Variants in ERBB4 observed in about 807,000 individuals in gnomAD.
The protein encoded by ERBB4 is receptor tyrosine-protein kinase erbB-4.
ERBB4 carries 42 observed loss-of-function variants against 158.0 expected under a neutral mutation model. That is an observed-to-expected ratio of 0.27 (90% CI 0.21 to 0.34). The LOEUF (loss-of-function observed/expected upper bound fraction) is 0.34. Ranked by LOEUF, ERBB4 falls within the 10% of genes least tolerant of loss-of-function variation. ERBB4 has a pLI of 1.00. For synonymous variants in ERBB4, 583 were observed against 558.7 expected, an observed-to-expected ratio of 1.04 and a Z score of -0.61; for missense variants, 1,333 against 1,624.1, an observed-to-expected ratio of 0.82 and a Z score of 3.08.
chr2:212,527,413 C>G (rs1419131229), intron 1 of ERBB4, among the ~76,000 whole-genome samples: 1 of 151,916 alleles, frequency 6.6e-6, no homozygotes, highest in African/African-American at 2.4e-5. Context: ...TGCATTCTTC[C>G]TCATTAATAA....
chr2:212,522,262 G>C (rs912032647), intron 1 of ERBB4, among the ~76,000 whole-genome samples: 1 of 151,866 alleles, frequency 6.6e-6, no homozygotes, highest in Non-Finnish European at 1.5e-5. Context: ...ATATTGTTAA[G>C]GTCAGGTGAG....
chr2:212,277,600 A>G (rs1360933851), intron 1 of ERBB4, among the ~76,000 whole-genome samples: 1 of 151,718 alleles, frequency 6.6e-6, no homozygotes, highest in Non-Finnish European at 1.5e-5. Flanking sequence ...TACTACAGAG[A>G]GTCTCCTAGC....
chr2:212,017,547 G>T (rs1191258498), intron 2 of ERBB4, among the ~76,000 whole-genome samples: 1 of 152,124 alleles, frequency 6.6e-6, no homozygotes, highest in Admixed American at 6.6e-5. Flanking sequence ...AGTTGTGAAT[G>T]CAAAGGCCAT....
chr2:211,562,797 A>T (rs1445114555), intron 19 of ERBB4, among the ~76,000 whole-genome samples: 3 of 105,182 alleles, frequency 2.9e-5, no homozygotes, highest in Non-Finnish European at 5.5e-5. Flanking sequence ...TTTGAGACGG[A>T]GTCTCGCTCT....
At chr2:212,296,460 T>C (rs1250493433) in intron 1 of ERBB4, among the ~76,000 whole-genome samples, 1 of 151,898 alleles carries the variant, frequency 6.6e-6, no homozygotes, top group Non-Finnish European at 1.5e-5. Flanking sequence ...TCTTCAGTAA[T>C]GTAAAGAACT....
At chr2:211,669,387 A>G (rs1341317385) in intron 14 of ERBB4, among the ~76,000 whole-genome samples, 1 of 152,036 alleles carries the variant, frequency 6.6e-6, no homozygotes, top group African/African-American at 2.4e-5. Flanking sequence ...TTTCACTTTT[A>G]TAGGAATGTA....
chr2:211,837,624 G>C (rs2077370425), intron 3 of ERBB4, among the ~76,000 whole-genome samples: 3 of 151,970 alleles, frequency 2.0e-5, no homozygotes, highest in African/African-American at 7.2e-5. Flanking sequence ...TAACTAACTG[G>C]GTAGGCTTGG....
intron 1 of ERBB4, among the ~76,000 whole-genome samples, chr2:212,220,429 C>T (rs192725667): frequency 2.0e-5 from 3 of 151,468 alleles, no homozygotes; most frequent in South Asian, 2.1e-4. Context: ...TTGCTTTGAC[C>T]TAGTTATAAA....
intron 20 of ERBB4, among the ~76,000 whole-genome samples, chr2:211,506,742 T>G (rs1003617032): frequency 1.1e-4 from 17 of 152,062 alleles, no homozygotes; most frequent in African/African-American, 3.6e-4. Context: ...ACTTCTGAGA[T>G]GTAGCAAAAG....
chr2:211,722,566 A>T, intron 6 of ERBB4, 32 bp from the exon 7 acceptor site: 1 of 1,609,688 alleles, frequency 6.2e-7, no homozygotes. Flanking sequence ...TTTCATTTAC[A>T]AATAAACTCA....
intron 1 of ERBB4, among the ~76,000 whole-genome samples, chr2:212,160,944 A>G (rs2081185713): frequency 6.6e-6 from 1 of 152,022 alleles, no homozygotes; most frequent in South Asian, 2.1e-4. Context: ...AAAGACAGGT[A>G]ACAAATTGCC....
At chr2:211,440,413 C>T (rs1273884828) in intron 20 of ERBB4, among the ~76,000 whole-genome samples, 1 of 152,248 alleles carries the variant, frequency 6.6e-6, no homozygotes, top group East Asian at 1.9e-4. Context: ...ATTAATACAG[C>T]AACCTCTAGA....
chr2:211,878,957 T>C (rs150368523), intron 3 of ERBB4, among the ~76,000 whole-genome samples: 1 of 152,332 alleles, frequency 6.6e-6, no homozygotes, highest in Non-Finnish European at 1.5e-5. Flanking sequence ...TCTTAACAGA[T>C]ACTCTCCTAG....
At chr2:211,812,576 C>T (rs2076783972) in intron 3 of ERBB4, among the ~76,000 whole-genome samples, 1 of 152,228 alleles carries the variant, frequency 6.6e-6, no homozygotes. Flanking sequence ...CTCCTCAGAG[C>T]TGTCAGACAG....
chr2:211,961,814 G>C (rs913747587), intron 2 of ERBB4, among the ~76,000 whole-genome samples: 3 of 151,986 alleles, frequency 2.0e-5, no homozygotes, highest in African/African-American at 4.8e-5. Flanking sequence ...TGTTTGAATA[G>C]GTAAATTATA....
chr2:211,387,930 T>G lies in ERBB4; in HGVS notation c.3183+15A>C. The G allele has an allele frequency of 6.3e-7, 1 of 1,592,482 alleles. No individual in the cohort carries two copies. The highest frequency in any genetic ancestry group is 8.6e-7 in the Non-Finnish European group (1 of 1,160,348). On this transcript the variant is annotated intron_variant, in intron 26 of 27. Transcript: ENST00000342788. Reference sequence around the variant, plus strand: ...GAAAATCCTAAAAGATGAAGGTTGATTGTGAAATACTTACTCCTGACATGG... The same window carrying G: ...GAAAATCCTAAAAGATGAAGGTTGAGTGTGAAATACTTACTCCTGACATGG...
At chr2:212,049,393 TA>T (rs1284278161) in intron 2 of ERBB4, among the ~76,000 whole-genome samples, 3 of 152,138 alleles carry the variant, frequency 2.0e-5, no homozygotes, top group African/African-American at 7.2e-5. Flanking sequence ...TATTATTTAT[TA>T]TTATTGTTGC....
chr2:212,271,448 C>T (rs888154822), intron 1 of ERBB4, among the ~76,000 whole-genome samples: 3 of 151,386 alleles, frequency 2.0e-5, no homozygotes, highest in African/African-American at 7.3e-5. Flanking sequence ...GAAAATGATG[C>T]CAAAAGTTAT....
At chr2:212,211,539 A>G (rs1028568099) in intron 1 of ERBB4, among the ~76,000 whole-genome samples, 3 of 152,068 alleles carry the variant, frequency 2.0e-5, no homozygotes, top group East Asian at 1.9e-4. Flanking sequence ...TGAATGAAGT[A>G]ACAAAACCTA....
Sources: gnomAD v4.1 joint callset for allele counts (sites outside exome capture counted in the v4.1 genomes callset) on GRCh38, gnomAD v4.1.1 for gene constraint, MANE v1.5 for transcripts, NCBI Gene and HGNC (gene_info 2026-07-23, HGNC 2026-07-21) for gene names.